The following CCSER1 variants were observed in gnomAD, a reference collection of about 807,000 sequenced individuals.
CCSER1 encodes coiled-coil serine rich protein 1, also known as serine-rich coiled-coil domain-containing protein 1.
A neutral mutation model predicts 82.0 loss-of-function variants in CCSER1; 41 were observed. The ratio of observed to expected loss-of-function variants is 0.50; its 90% CI spans 0.39 to 0.65. The LOEUF (loss-of-function observed/expected upper bound fraction) is 0.65. Ranked by LOEUF, CCSER1 falls within the 30% of genes least tolerant of loss-of-function variation. The pLI, the probability that CCSER1 is intolerant of heterozygous loss-of-function variation, is 0.00. For missense variants in CCSER1, 1,119 were observed against 1,064.2 expected (o/e 1.05, Z -0.72); for synonymous variants, 414 against 383.9 (o/e 1.08, Z -0.92).
intron 10 of CCSER1, among the ~76,000 whole-genome samples, chr4:91,526,425 C>A (rs1385697897): frequency 1.3e-5 from 2 of 152,174 alleles, no homozygotes; most frequent in African/African-American, 4.8e-5. Context: ...AAACAAACTG[C>A]ACCCTGACCA....
intron 5 of CCSER1, among the ~76,000 whole-genome samples, chr4:90,506,773 A>T (rs893723461): frequency 4.0e-5 from 6 of 151,818 alleles, no homozygotes; most frequent in Middle Eastern, 3.2e-3. Context: ...TCCAAAAAAA[A>T]AAAAAATAAA....
chr4:90,745,404 C>T (rs1323042198), intron 7 of CCSER1, among the ~76,000 whole-genome samples: 1 of 152,142 alleles, frequency 6.6e-6, no homozygotes, highest in East Asian at 1.9e-4. Flanking sequence ...GATTAGTCAC[C>T]TTAATTTCAT....
chr4:90,271,900 T>A (rs1726605316), intron 1 of CCSER1, among the ~76,000 whole-genome samples: 1 of 117,110 alleles, frequency 8.5e-6, no homozygotes, highest in African/African-American at 3.3e-5. Context: ...TAAAAGGAGG[T>A]TTAATTGACT....
In CCSER1 at chr4:91,423,246, T is replaced by C. The variant is rs962541880; in HGVS notation, c.2218-175326T>C. Among the ~76,000 whole-genome samples, 26 of 150,014 alleles carry C rather than the reference T, an allele frequency of 1.7e-4. No individual in the cohort carries two copies. The East Asian group carries it at 5.1e-3, about 29-fold the overall frequency. On this transcript the variant is annotated intron_variant, in intron 10 of 10. Transcript: ENST00000509176. ...TTCAAGACCAGCGTGGCCAACATGG[T>C]GAAAACCCGTCTCTACTTAAAAAAA... is the stretch of plus-strand genomic sequence containing the variant.
intron 7 of CCSER1, among the ~76,000 whole-genome samples, chr4:90,805,719 C>T (rs1371503846): frequency 6.6e-6 from 1 of 152,070 alleles, no homozygotes; most frequent in African/African-American, 2.4e-5. Context: ...ATTAATTACA[C>T]TTGAATGAGA....
chr4:91,248,126 T>G (rs1453601747), intron 10 of CCSER1, among the ~76,000 whole-genome samples: 1 of 151,986 alleles, frequency 6.6e-6, no homozygotes, highest in Non-Finnish European at 1.5e-5. Flanking sequence ...CTAGAACAAT[T>G]TAAACAACAA....
intron 10 of CCSER1, among the ~76,000 whole-genome samples, chr4:91,186,768 G>T (rs1345552107): frequency 1.3e-5 from 2 of 152,208 alleles, no homozygotes; most frequent in Non-Finnish European, 2.9e-5. Context: ...AAAGGAATAG[G>T]TTGGGCTAGT....
At chr4:91,165,377 G>A (rs924437227) in intron 10 of CCSER1, among the ~76,000 whole-genome samples, 1 of 152,078 alleles carries the variant, frequency 6.6e-6, no homozygotes, top group Non-Finnish European at 1.5e-5. Flanking sequence ...GCCCCTACTG[G>A]GAAGTGTCAG....
chr4:90,932,990 A>G (rs376705426), intron 9 of CCSER1, among the ~76,000 whole-genome samples: 490 of 48,472 alleles, frequency 0.01, 97 homozygotes, highest in Admixed American at 0.017. Flanking sequence ...AAGAGAAAGA[A>G]AGAAAGAAAG....
intron 5 of CCSER1, among the ~76,000 whole-genome samples, chr4:90,557,594 A>G (rs1778289186): frequency 6.6e-6 from 1 of 152,092 alleles, no homozygotes; most frequent in Admixed American, 6.6e-5. Flanking sequence ...ATCAGAAGCA[A>G]CTACTTTGCA....
At chr4:91,394,432 T>C (rs1054187496) in intron 10 of CCSER1, among the ~76,000 whole-genome samples, 5 of 152,078 alleles carry the variant, frequency 3.3e-5, no homozygotes, top group African/African-American at 4.8e-5. Context: ...TGGCAACTTC[T>C]TTAGAAAATT....
chr4:90,452,759 G>A (rs1413603969), intron 4 of CCSER1, among the ~76,000 whole-genome samples: 3 of 152,156 alleles, frequency 2.0e-5, no homozygotes, highest in African/African-American at 7.2e-5. Flanking sequence ...ATTTCACCGT[G>A]CCATGTATCT....
In CCSER1 at chr4:90,757,770, C is replaced by T. The variant is rs531751517; in HGVS notation, c.2010+33779C>T. 1.1e-4 allele frequency among the ~76,000 whole-genome samples: 16 copies of T among 151,752 alleles called. No individual in the cohort carries two copies. In the South Asian group the frequency reaches 1.3e-3, roughly 12 times the overall value. ...CAGTTTTAACAGTAGGGAAGTAAGC[C>T]AAGGAGCACATCAAAGAGACTGTGG... On this transcript the variant is annotated intron_variant, in intron 7 of 10. Coordinates refer to ENST00000509176, the MANE Select transcript of CCSER1 (RefSeq NM_001145065.2).
chr4:91,285,478 G>T (rs752724766), intron 10 of CCSER1, among the ~76,000 whole-genome samples: 2 of 151,672 alleles, frequency 1.3e-5, no homozygotes, highest in Admixed American at 6.6e-5. Flanking sequence ...TTGCTTTCAC[G>T]AAATCAAAGT....
At chr4:91,364,744 C>A (rs914258715) in intron 10 of CCSER1, among the ~76,000 whole-genome samples, 2 of 151,974 alleles carry the variant, frequency 1.3e-5, no homozygotes, top group East Asian at 3.9e-4. Flanking sequence ...TAATTATTTT[C>A]TATTATTCAT....
At chr4:91,365,371 C>A (rs907353283) in intron 10 of CCSER1, among the ~76,000 whole-genome samples, 5 of 152,124 alleles carry the variant, frequency 3.3e-5, no homozygotes, top group African/African-American at 1.2e-4. Context: ...GTTTTTGATT[C>A]TCTATCTGGA....
At chr4:90,301,929 A>G (rs1733217831) in intron 1 of CCSER1, among the ~76,000 whole-genome samples, 1 of 152,162 alleles carries the variant, frequency 6.6e-6, no homozygotes, top group African/African-American at 2.4e-5. Context: ...TGTTTCATTA[A>G]ACTTATTCAG....
intron 3 of CCSER1, among the ~76,000 whole-genome samples, chr4:90,395,264 G>A: frequency 6.6e-6 from 1 of 152,138 alleles, no homozygotes; most frequent in Non-Finnish European, 1.5e-5. Flanking sequence ...CCTACTTTTA[G>A]CCACTTTTAA....
chr4:91,583,821 A>T (rs1211800515), intron 10 of CCSER1, among the ~76,000 whole-genome samples: 1 of 151,480 alleles, frequency 6.6e-6, no homozygotes, highest in Non-Finnish European at 1.5e-5. Context: ...CCTCTGCTTT[A>T]AAGGATGGCT....
Sources: gnomAD v4.1 joint callset for allele counts (sites outside exome capture counted in the v4.1 genomes callset) on GRCh38, gnomAD v4.1.1 for gene constraint, MANE v1.5 for transcripts, NCBI Gene and HGNC (gene_info 2026-07-23, HGNC 2026-07-21) for gene names.